Variants in TOMM20 observed in about 807,000 individuals in gnomAD.
TOMM20 encodes translocase of outer mitochondrial membrane 20, also known as mitochondrial import receptor subunit TOM20 homolog.
TOMM20 carries 10 observed loss-of-function variants against 22.1 expected under a neutral mutation model. The ratio of observed to expected loss-of-function variants is 0.45; its 90% CI spans 0.28 to 0.77. TOMM20 has a LOEUF of 0.77. Among genes scored for constraint, TOMM20 ranks in the 30% least tolerant of loss-of-function variants. The probability of loss-of-function intolerance (pLI) is 0.13; values close to 1 mark genes in which losing one functional copy is unlikely to be tolerated. For synonymous variants in TOMM20, 55 were observed against 61.4 expected (o/e 0.90, Z 0.49); for missense variants, 121 against 172.2 (o/e 0.70, Z 1.66).
At chr1:235,116,986 C>A (rs994209777) in intron 3 of TOMM20, among the ~76,000 whole-genome samples, 50 of 150,138 alleles carry the variant, frequency 3.3e-4, no homozygotes, top group Admixed American at 2.3e-3. Flanking sequence ...ATACAAAAAA[C>A]TAGCCGGGCG....
At chr1:235,120,664 CCT>C (rs1660916551) in intron 2 of TOMM20, among the ~76,000 whole-genome samples, 1 of 151,874 alleles carries the variant, frequency 6.6e-6, no homozygotes, top group South Asian at 2.1e-4. Flanking sequence ...AGTGCCTTCA[CCT>C]CTCAGGATCA....
chr1:235,128,461 G>T, intron 1 of TOMM20, 134 bp downstream of exon 1: 1 of 1,382,374 alleles, frequency 7.2e-7, no homozygotes, highest in Non-Finnish European at 9.9e-7. Context: ...CGCAGCCAGC[G>T]CCATCGCCTA....
intron 1 of TOMM20, among the ~76,000 whole-genome samples, chr1:235,122,705 G>A (rs896013423): frequency 2.0e-5 from 3 of 152,190 alleles, no homozygotes; most frequent in Non-Finnish European, 2.9e-5. Flanking sequence ...TGTAACAGGG[G>A]CAAGAATTAG....
At chr1:235,116,983 A>T (rs2102809275) in intron 3 of TOMM20, among the ~76,000 whole-genome samples, 1 of 151,094 alleles carries the variant, frequency 6.6e-6, no homozygotes, top group South Asian at 2.1e-4. Flanking sequence ...AAAATACAAA[A>T]AACTAGCCGG....
chr1:235,121,763 T>TA (rs1306552223), intron 2 of TOMM20, among the ~76,000 whole-genome samples: 1 of 152,228 alleles, frequency 6.6e-6, no homozygotes, highest in Non-Finnish European at 1.5e-5. Flanking sequence ...AACATTTTTT[T>TA]ACCAAGTAGA....
chr1:235,118,556 T>A (rs1002423621), intron 3 of TOMM20, among the ~76,000 whole-genome samples: 3 of 152,194 alleles, frequency 2.0e-5, no homozygotes, highest in Non-Finnish European at 4.4e-5. Flanking sequence ...AGACAGCATA[T>A]CATTCTGTTG....
chr1:235,112,116 A>G lies in TOMM20; in HGVS notation c.394-8T>C, dbSNP rs1365874970. 6.7e-7 allele frequency: 1 copy of G among 1,494,690 alleles called. No individual in the cohort carries two copies. Among genetic ancestry groups the G allele is most frequent in the Admixed American group, 1.9e-5 (1 of 52,016 alleles). The allele number at this position is 1,494,690 out of a possible 1,614,324, so 92.6% of individuals were successfully genotyped here. On this transcript the variant is annotated splice_polypyrimidine_tract_variant and splice_region_variant and intron_variant, in intron 4 of 4. Coordinates refer to ENST00000366607, the MANE Select transcript of TOMM20 (RefSeq NM_014765.3). ...CTGAGCACTTACAATTCTCTGAAAG[A>G]AAAAAAAAATAATTTTTTAAAGTGT... is the stretch of plus-strand genomic sequence containing the variant.
chr1:235,119,820 T>C lies in TOMM20; in HGVS notation c.248A>G (p.Gln83Arg). Residue 83 changes from glutamine to arginine, a missense_variant and splice_region_variant, in exon 3 of 5, where the codon CAA becomes CGA. Physicochemically the swap from Gln to Arg is conservative, Grantham distance 43. Transcript: ENST00000366607. Reference protein sequence around the residue: ...EIQLGEELLAQGEYEKGVDHL... With the variant: ...EIQLGEELLARGEYEKGVDHL... ...CTTAGCTTTTCAATGACTATTACCT[T>C]GAGCTAGTAACTCTTCACCAAGCTG... 6.2e-7 allele frequency: 1 copy of C among 1,607,662 alleles called. No individual in the cohort carries two copies. Among genetic ancestry groups the C allele is most frequent in the Non-Finnish European group, 8.5e-7 (1 of 1,175,186 alleles).
In TOMM20 at chr1:235,128,480, C is replaced by T. The variant is rs1661073460; in HGVS notation, c.121+115G>A. 3 of 1,529,366 alleles carry T rather than the reference C, an allele frequency of 2.0e-6. No individual in the cohort carries two copies. In the Admixed American group the frequency reaches 5.7e-5, roughly 29 times the overall value. 94.7% of individuals were successfully genotyped at this position (1,529,366 alleles called of 1,614,324 possible). A position where few individuals can be genotyped will look rare whatever the true frequency, so the allele number is the denominator to read the frequency against. On this transcript the variant is annotated intron_variant, in intron 1 of 4. Coordinates refer to ENST00000366607, the MANE Select transcript of TOMM20 (RefSeq NM_014765.3). ...GCCAGCGCCATCGCCTATTGAGGGCCGCACCACGCGGTCGCCCTGCGCGGC... is the reference window on the plus strand; with the variant it reads ...GCCAGCGCCATCGCCTATTGAGGGCTGCACCACGCGGTCGCCCTGCGCGGC...
rs1406593440 is a variant in TOMM20 at position 235,128,594 on chromosome 1, C to A, written c.121+1G>T. On this transcript the variant is annotated splice_donor_variant, in intron 1 of 4. Coordinates refer to ENST00000366607, the MANE Select transcript of TOMM20 (RefSeq NM_014765.3). LOFTEE classifies it high-confidence loss of function. ...GGCCAGGGGAGAGAGGACCCACTCACGTTCTCGAAGCCTGTTCTTGAAGTT... is the reference window on the plus strand; with the variant it reads ...GGCCAGGGGAGAGAGGACCCACTCAAGTTCTCGAAGCCTGTTCTTGAAGTT... 1 of 1,612,316 alleles carries A rather than the reference C, an allele frequency of 6.2e-7. No individual in the cohort carries two copies. Among genetic ancestry groups the A allele is most frequent in the East Asian group, 2.2e-5 (1 of 44,882 alleles).
In TOMM20 at chr1:235,119,843, C is replaced by T. The variant is rs368922585; in HGVS notation, c.225G>A (p.Gln75=). The T allele has an allele frequency of 1.9e-6, 3 of 1,612,272 alleles. No individual in the cohort carries two copies. The African/African-American group carries it at 4.0e-5, about 22-fold the overall frequency. Reference sequence around the variant, plus strand: ...CTTGAGCTAGTAACTCTTCACCAAGCTGTATTTCTTCAAGGAAGAACTTCT... The same window carrying T: ...CTTGAGCTAGTAACTCTTCACCAAGTTGTATTTCTTCAAGGAAGAACTTCT... ...AVQKFFLEEI[Q]LGEELLAQGE... Residue 75 remains glutamine, a synonymous_variant, in exon 3 of 5, where the codon CAG becomes CAA. Coordinates refer to ENST00000366607, the MANE Select transcript of TOMM20 (RefSeq NM_014765.3).
chr1:235,116,038 G>T (rs1249685915), intron 3 of TOMM20, among the ~76,000 whole-genome samples: 4 of 152,120 alleles, frequency 2.6e-5, no homozygotes, highest in Admixed American at 6.5e-5. Context: ...TTTGTCTCTA[G>T]CCCAGTGGTC....
At chr1:235,125,331 CAGCCTCCCCAGT>C (rs1197069738) in intron 1 of TOMM20, among the ~76,000 whole-genome samples, 8 of 152,216 alleles carry the variant, frequency 5.3e-5, no homozygotes, top group Non-Finnish European at 7.3e-5. Context: ...TCTCCTGCCT[CAGCCTCCCCAGT>C]AGGTGGGACT....
chr1:235,121,069 T>C (rs1660924538), intron 2 of TOMM20, among the ~76,000 whole-genome samples: 1 of 151,634 alleles, frequency 6.6e-6, no homozygotes, highest in South Asian at 2.1e-4. Flanking sequence ...CATGGTGACA[T>C]GCACCTGTAG....
In TOMM20 at chr1:235,110,017, C is replaced by T. The variant is rs1660713630; in HGVS notation, c.*2047G>A. ...AAAAAACTGCTGATTTTTTCTTTAACTCGACACAGCTAGCTTTAAAAAGTG... is the reference window on the plus strand; with the variant it reads ...AAAAAACTGCTGATTTTTTCTTTAATTCGACACAGCTAGCTTTAAAAAGTG... On this transcript the variant is annotated 3_prime_UTR_variant, in exon 5 of 5. Transcript: ENST00000366607. The T allele has an allele frequency of 1.3e-5, 2 of 152,162 alleles. No homozygotes were observed. Among genetic ancestry groups the T allele is most frequent in the East Asian group, 1.9e-4 (1 of 5,194 alleles). 9.4% of individuals were successfully genotyped at this position (152,162 alleles called of 1,614,324 possible).
rs1660700222 is a variant in TOMM20, at chr1:235,109,550, CT to C, written c.*2513del. ...GCAGGTGGGAGGATGGTAAAATAAA[CT>C]TACCAAGGGGCAAAAGGAACCAAAC... is the stretch of plus-strand genomic sequence containing the variant. On this transcript the variant is annotated 3_prime_UTR_variant, in exon 5 of 5. Transcript: ENST00000366607. 2.0e-5 allele frequency: 3 copies of C among 152,192 alleles called. No individual in the cohort carries two copies. The highest frequency in any genetic ancestry group is 7.2e-5 in the African/African-American group (3 of 41,462). 9.4% of individuals were successfully genotyped at this position (152,192 alleles called of 1,614,324 possible). A position where few individuals can be genotyped will look rare whatever the true frequency, so the allele number is the denominator to read the frequency against.
rs1330952628 is a variant in TOMM20, at chr1:235,109,839, C to T, written c.*2225G>A. On this transcript the variant is annotated 3_prime_UTR_variant, in exon 5 of 5. Coordinates refer to ENST00000366607, the MANE Select transcript of TOMM20 (RefSeq NM_014765.3). ...TGTGCAACATTAGCACATGGAAACG[C>T]TCAAGCTGTGTATTAGTTCACTGAG... The T allele has an allele frequency of 6.6e-6, 1 of 152,226 alleles. No homozygotes were observed. Among genetic ancestry groups the T allele is most frequent in the African/African-American group, 2.4e-5 (1 of 41,446 alleles). The allele number at this position is 152,226 out of a possible 1,614,324, so 9.4% of individuals were successfully genotyped here.
At position 235,128,727 on chromosome 1, in the gene TOMM20, C is replaced by T. The variant is rs954300669; in HGVS notation, c.-12G>A. The T allele has an allele frequency of 2.7e-5, 44 of 1,613,696 alleles. No homozygotes were observed. The highest frequency in any genetic ancestry group is 3.3e-4 in the Middle Eastern group (2 of 6,084). ...TTCCGACCCACCATCTTCTCTACAACGCTGAGCGTGGACGGTGGCGGCAGG... is the reference window on the plus strand; with the variant it reads ...TTCCGACCCACCATCTTCTCTACAATGCTGAGCGTGGACGGTGGCGGCAGG... On this transcript the variant is annotated 5_prime_UTR_variant, in exon 1 of 5. Coordinates refer to ENST00000366607, the MANE Select transcript of TOMM20 (RefSeq NM_014765.3).
intron 3 of TOMM20, among the ~76,000 whole-genome samples, chr1:235,117,288 C>G (rs965684313): frequency 2.6e-5 from 4 of 151,170 alleles, no homozygotes; most frequent in Non-Finnish European, 5.9e-5. Flanking sequence ...AAACCCACCC[C>G]CTACCAAAAA....
Sources: gnomAD v4.1 joint callset for allele counts (sites outside exome capture counted in the v4.1 genomes callset) on GRCh38, gnomAD v4.1.1 for gene constraint, MANE v1.5 for transcripts, NCBI Gene and HGNC (gene_info 2026-07-23, HGNC 2026-07-21) for gene names.